EPN2: variants seen among roughly 807,000 people sequenced by gnomAD.
EPN2 encodes the protein epsin 2.
In EPN2, 34 loss-of-function variants were observed where a neutral mutation model predicts 61.7. The observed-to-expected ratio is 0.55, with a 90% CI of 0.42 to 0.73. The LOEUF is 0.73. EPN2 is among the 30% of genes least tolerant of loss of function. The pLI, the probability that EPN2 is intolerant of heterozygous loss-of-function variation, is 0.00. For synonymous variants in EPN2, 349 were observed against 353.6 expected (o/e 0.99, Z 0.15); for missense variants, 714 against 839.2 (o/e 0.85, Z 1.84).
intron 7 of EPN2, among the ~76,000 whole-genome samples, chr17:19,316,891 G>A (rs1906410147): frequency 1.3e-5 from 2 of 152,212 alleles, no homozygotes; most frequent in South Asian, 4.1e-4. Flanking sequence ...GTGTTGACCA[G>A]CTCTGCAGGA....
chr17:19,237,628 C>G (rs901769292), intron 1 of EPN2, 97 bp downstream of exon 1: 5 of 152,156 alleles, frequency 3.3e-5, no homozygotes, highest in African/African-American at 1.2e-4. Flanking sequence ...AGCACAGGCT[C>G]CCCTACCTCA....
chr17:19,291,660 T>C (rs996002945), intron 4 of EPN2, among the ~76,000 whole-genome samples: 2 of 152,158 alleles, frequency 1.3e-5, no homozygotes, highest in African/African-American at 4.8e-5. Context: ...CATGATGGTC[T>C]TGATCTCCTG....
chr17:19,333,439 G>C (rs1251829078), intron 10 of EPN2, among the ~76,000 whole-genome samples: 1 of 152,214 alleles, frequency 6.6e-6, no homozygotes, highest in Admixed American at 6.5e-5. Flanking sequence ...CAAAGAAAAG[G>C]CTTTCTGGTA....
chr17:19,317,638 C>T (rs555023651), intron 7 of EPN2, among the ~76,000 whole-genome samples: 22 of 152,314 alleles, frequency 1.4e-4, no homozygotes, highest in African/African-American at 3.4e-4. Flanking sequence ...AGGAAGAGGC[C>T]GGAAACTGCT....
intron 1 of EPN2, among the ~76,000 whole-genome samples, chr17:19,243,393 T>A (rs1409776887): frequency 7.7e-6 from 1 of 129,512 alleles, no homozygotes; most frequent in Non-Finnish European, 1.6e-5. Flanking sequence ...AATTTTTTTT[T>A]TTTTTTTTTT....
Position 19,283,790 on chromosome 17 carries a change from C to A in EPN2, c.595+76C>A. 8.6e-7 allele frequency: 1 copy of A among 1,158,184 alleles called. No individual in the cohort carries two copies. The highest frequency in any genetic ancestry group is 1.2e-6 in the Non-Finnish European group (1 of 840,562). The allele number at this position is 1,158,184 out of a possible 1,614,324, so 71.7% of individuals were successfully genotyped here. A position where few individuals can be genotyped will look rare whatever the true frequency, so the allele number is the denominator to read the frequency against. ...GACAGGCAGGGTGGGTGTCTCTGGG[C>A]TTAGGGAGTGGTGGCCACTGCAGAG... is the stretch of plus-strand genomic sequence containing the variant. On this transcript the variant is annotated intron_variant, in intron 3 of 10. Transcript: ENST00000314728. This position sits in a 1 kb window ranked among gnomAD's most constrained non-coding sequence, Gnocchi z 7.0.
chr17:19,310,023 TG>T, intron 5 of EPN2, 26 bp downstream of exon 5: 3 of 1,484,254 alleles, frequency 2.0e-6, no homozygotes, highest in Non-Finnish European at 2.8e-6. Flanking sequence ...AGGTCTGCAC[TG>T]CATTGACTGC....
At chr17:19,247,872 G>A in intron 1 of EPN2, among the ~76,000 whole-genome samples, 1 of 152,204 alleles carries the variant, frequency 6.6e-6, no homozygotes, top group South Asian at 2.1e-4. Context: ...TGTGTTTAGG[G>A]AGTAAAGGGG....
At position 19,285,655 on chromosome 17, in the gene EPN2, G is replaced by T; in HGVS notation, c.631G>T (p.Gly211Trp). The change falls in exon 4 of 11, where the codon GGG (glycine) becomes TGG (tryptophan). Residue 211 changes from glycine to tryptophan, a missense_variant. Physicochemically the swap from Gly to Trp is radical, Grantham distance 184. This residue lies in a region of EPN2 where 304 missense variants were observed against 417.4 expected (regional missense o/e 0.73). Transcript: ENST00000314728. The surrounding 1 kb of genome is among the most constrained non-coding windows in gnomAD (Gnocchi z 4.5). ...CTCGCTGTGCCCCCAGCACCGCACAGGGGCCCCGCTGGGTCAGAGTGAGGA... is the reference window on the plus strand; with the variant it reads ...CTCGCTGTGCCCCCAGCACCGCACATGGGCCCCGCTGGGTCAGAGTGAGGA... Reference protein sequence around the residue: ...EASLCPQHRTGAPLGQSEELQ... With the variant: ...EASLCPQHRTWAPLGQSEELQ... 1 of 1,567,436 alleles carries T rather than the reference G, an allele frequency of 6.4e-7. No homozygotes were observed. Among genetic ancestry groups the T allele is most frequent in the East Asian group, 2.4e-5 (1 of 42,526 alleles).
At chr17:19,266,128 G>A (rs1017165930) in intron 1 of EPN2, among the ~76,000 whole-genome samples, 1 of 152,120 alleles carries the variant, frequency 6.6e-6, no homozygotes, top group Non-Finnish European at 1.5e-5. Context: ...TCCTGAAGAC[G>A]TGAGTTCCCT....
intron 1 of EPN2, among the ~76,000 whole-genome samples, chr17:19,250,420 C>T (rs1051703426): frequency 4.6e-5 from 7 of 151,996 alleles, no homozygotes; most frequent in Admixed American, 2.6e-4. Flanking sequence ...CTAACTGCTA[C>T]CTTAATTCTC....
chr17:19,237,575 G>A (rs924351740), intron 1 of EPN2, 44 bp downstream of exon 1: 4 of 152,302 alleles, frequency 2.6e-5, no homozygotes, highest in African/African-American at 9.7e-5. Context: ...GCGAGTCCCC[G>A]GGGCGAGGAC....
chr17:19,331,421 C>G (rs2152240643), intron 9 of EPN2, among the ~76,000 whole-genome samples: 1 of 151,702 alleles, frequency 6.6e-6, no homozygotes, highest in East Asian at 1.9e-4. Flanking sequence ...CCTGTGTTGC[C>G]TCTATGGGCT....
Position 19,297,813 on chromosome 17 carries a change from A to G in EPN2, c.766+12023A>G, listed in dbSNP as rs1396113269. Among the ~76,000 whole-genome samples, 3 of 152,242 alleles carry G rather than the reference A, an allele frequency of 2.0e-5. No homozygotes were observed. The East Asian group carries it at 5.8e-4, about 29-fold the overall frequency. ...CAATTATGCAGTTTGATTTTTTTGA[A>G]AAAATCTAACTCTATGCATTTTCCA... is the stretch of plus-strand genomic sequence containing the variant. On this transcript the variant is annotated intron_variant, in intron 4 of 10. Transcript: ENST00000314728.
chr17:19,296,066 A>T (rs4924975), intron 4 of EPN2, among the ~76,000 whole-genome samples: 1 of 152,184 alleles, frequency 6.6e-6, no homozygotes, highest in Admixed American at 6.5e-5. Context: ...TCCAGCTTGC[A>T]GTGGGATAAC....
chr17:19,303,788 T>C (rs1279954087), intron 4 of EPN2: 2 of 152,294 alleles, frequency 1.3e-5, no homozygotes, highest in Admixed American at 6.5e-5. Context: ...GCATCACATA[T>C]ATATATATGT....
intron 1 of EPN2, among the ~76,000 whole-genome samples, chr17:19,255,961 G>A (rs139658419): frequency 1.3e-5 from 2 of 151,076 alleles, no homozygotes; most frequent in Non-Finnish European, 2.9e-5. Context: ...TTTTTGAGAC[G>A]GAGTCTTGGT....
intron 4 of EPN2, among the ~76,000 whole-genome samples, chr17:19,294,218 G>T (rs1441057106): frequency 6.7e-6 from 1 of 149,882 alleles, no homozygotes; most frequent in East Asian, 2.0e-4. Flanking sequence ...AGGAGTTTGA[G>T]ACCAGCCTGG....
intron 1 of EPN2, among the ~76,000 whole-genome samples, chr17:19,237,742 A>C (rs2044831184): frequency 6.6e-6 from 1 of 151,974 alleles, no homozygotes; most frequent in African/African-American, 2.4e-5. Context: ...GGACTGGAGC[A>C]TGGCCCCCTT....
Sources: gnomAD v4.1 joint callset for allele counts (sites outside exome capture counted in the v4.1 genomes callset) on GRCh38, gnomAD v4.1.1 for gene constraint, gnomAD v4.1.1 regional missense constraint, Gnocchi (gnomAD v3.1) non-coding constraint, MANE v1.5 for transcripts, NCBI Gene and HGNC (gene_info 2026-07-23, HGNC 2026-07-21) for gene names.